The following TAF4 variants were observed in gnomAD, a reference collection of about 807,000 sequenced individuals.
TAF4 encodes the protein TATA-box binding protein associated factor 4.
A neutral mutation model predicts 90.3 loss-of-function variants in TAF4; 9 were observed. The ratio of observed to expected loss-of-function variants is 0.10; its 90% CI spans 0.06 to 0.17. The LOEUF (loss-of-function observed/expected upper bound fraction) is 0.17, where lower values mean the gene tolerates loss of function less well. Among genes scored for constraint, TAF4 ranks in the 10% least tolerant of loss-of-function variants. TAF4 has a pLI of 1.00. For synonymous variants in TAF4, 818 were observed against 638.9 expected (o/e 1.28, Z -4.23); for missense variants, 1,351 against 1,370.7 (o/e 0.99, Z 0.23).
intron 1 of TAF4, among the ~76,000 whole-genome samples, chr20:62,016,547 T>TA (rs1285378450): frequency 1.3e-5 from 2 of 152,202 alleles, no homozygotes; most frequent in Non-Finnish European, 2.9e-5. Flanking sequence ...CTCCTGGCCT[T>TA]ACACCAGTGG....
Position 62,065,660 on chromosome 20 carries a change from G to C in TAF4, c.151C>G (p.Arg51Gly). ...HHLAPRTPEV[R>G]AAAAGALGNH... ...CCGAGCGCGCCGGCGGCCGCGGCCCGCACCTCGGGCGTGCGCGGCGCGAGG... is the reference window on the plus strand; with the variant it reads ...CCGAGCGCGCCGGCGGCCGCGGCCCCCACCTCGGGCGTGCGCGGCGCGAGG... The change falls in exon 1 of 15, where the codon CGG becomes GGG. Residue 51 changes from arginine to glycine, a missense_variant. This residue lies in a region of TAF4 where 782 missense variants were observed against 536.6 expected (regional missense o/e 1.46). Transcript: ENST00000252996. The C allele has an allele frequency of 9.2e-7, 1 of 1,082,752 alleles. No homozygotes were observed. Among genetic ancestry groups the C allele is most frequent in the Non-Finnish European group, 1.1e-6 (1 of 893,802 alleles). 67.1% of individuals were successfully genotyped at this position (1,082,752 alleles called of 1,614,324 possible). A position where few individuals can be genotyped will look rare whatever the true frequency, so the allele number is the denominator to read the frequency against.
chr20:62,033,543 C>T (rs1375287937), intron 1 of TAF4, among the ~76,000 whole-genome samples: 1 of 152,148 alleles, frequency 6.6e-6, no homozygotes, highest in African/African-American at 2.4e-5. Context: ...TCAAGATCAG[C>T]CTGGCTAACA....
intron 8 of TAF4, 135 bp downstream of exon 8, chr20:62,003,596 G>A (rs1282957527): frequency 3.1e-6 from 3 of 973,606 alleles, no homozygotes. Context: ...TGAAATCAGT[G>A]CCACTGAACT....
chr20:61,987,162 TCTAA>T (rs1017461720), intron 14 of TAF4, among the ~76,000 whole-genome samples: 19 of 152,072 alleles, frequency 1.2e-4, no homozygotes, highest in Non-Finnish European at 2.1e-4. Context: ...CCCGCGGCAT[TCTAA>T]CTGAGATTCT....
chr20:62,001,028 G>A (rs2055697625), intron 9 of TAF4, among the ~76,000 whole-genome samples: 1 of 152,366 alleles, frequency 6.6e-6, no homozygotes, highest in East Asian at 1.9e-4. Flanking sequence ...GGACTTGTGG[G>A]GGTCTGATCT....
intron 1 of TAF4, among the ~76,000 whole-genome samples, chr20:62,053,261 C>T (rs189975772): frequency 6.6e-6 from 1 of 152,320 alleles, no homozygotes; most frequent in Admixed American, 6.5e-5. Context: ...GATGGTGGGG[C>T]GAAGGGAGAG....
At chr20:62,042,831 A>G (rs2055971722) in intron 1 of TAF4, among the ~76,000 whole-genome samples, 1 of 152,216 alleles carries the variant, frequency 6.6e-6, no homozygotes, top group Non-Finnish European at 1.5e-5. Flanking sequence ...TCCTTCAGGA[A>G]GAGTCCAGAA....
Position 62,065,445 on chromosome 20 carries a change from G to T in TAF4, c.366C>A (p.Pro122=). 3.1e-6 allele frequency: 3 copies of T among 976,664 alleles called. No homozygotes were observed. Among genetic ancestry groups the T allele is most frequent in the South Asian group, 4.6e-5 (1 of 21,886 alleles). The allele number at this position is 976,664 out of a possible 1,614,324, so 60.5% of individuals were successfully genotyped here. ...RPLVPAGPAP[P]AAKLRPPPEG... is the part of the protein sequence containing the mutation. ...CGGGCGGCGGCCTCAGCTTCGCGGC[G>T]GGCGGCGCGGGCCCTGCGGGGACAA... is the stretch of plus-strand genomic sequence containing the variant. Residue 122 remains proline (P), a synonymous_variant, in exon 1 of 15, where the codon CCC becomes CCA. Coordinates refer to ENST00000252996, the MANE Select transcript of TAF4 (RefSeq NM_003185.4).
chr20:62,012,963 G>T, intron 2 of TAF4, 29 bp from the exon 3 acceptor site: 1 of 1,610,474 alleles, frequency 6.2e-7, no homozygotes, highest in South Asian at 1.1e-5. Flanking sequence ...CACCTAAAAC[G>T]AGCGCAAGTA....
At chr20:61,976,877 C>A (rs1290299205) in intron 14 of TAF4, among the ~76,000 whole-genome samples, 1 of 152,206 alleles carries the variant, frequency 6.6e-6, no homozygotes, top group East Asian at 1.9e-4. Flanking sequence ...GCCCTGGCTG[C>A]ACAGACGCCG....
At chr20:62,011,693 C>T (rs758040412) in intron 3 of TAF4, among the ~76,000 whole-genome samples, 1 of 152,192 alleles carries the variant, frequency 6.6e-6, no homozygotes, top group African/African-American at 2.4e-5. Flanking sequence ...AGTCCACACC[C>T]CCTGGGGCTC....
intron 1 of TAF4, among the ~76,000 whole-genome samples, chr20:62,021,010 G>A (rs2055839930): frequency 6.6e-6 from 1 of 152,150 alleles, no homozygotes; most frequent in Admixed American, 6.5e-5. Flanking sequence ...CCTTCCCCGT[G>A]TTTCCAGGGG....
intron 1 of TAF4, among the ~76,000 whole-genome samples, chr20:62,016,463 C>T (rs992410596): frequency 2.0e-5 from 3 of 152,196 alleles, no homozygotes; most frequent in Non-Finnish European, 2.9e-5. Context: ...CTGAGTCCTC[C>T]GGCCTCCATC....
At chr20:62,016,772 G>A (rs1011087164) in intron 1 of TAF4, among the ~76,000 whole-genome samples, 5 of 152,072 alleles carry the variant, frequency 3.3e-5, no homozygotes, top group Non-Finnish European at 4.4e-5. Flanking sequence ...TTTAGAGTAC[G>A]CTAATACAAT....
intron 1 of TAF4, among the ~76,000 whole-genome samples, chr20:62,024,959 C>G (rs2055866694): frequency 6.6e-6 from 1 of 152,066 alleles, no homozygotes; most frequent in African/African-American, 2.4e-5. Context: ...GCCCCAACAT[C>G]ATTAGTCATT....
rs1441227493 is a variant in TAF4, at chr20:62,009,968, G to A, written c.1761+78C>T. 5.0e-6 allele frequency: 8 copies of A among 1,594,230 alleles called. No individual in the cohort carries two copies. In the East Asian group the frequency reaches 1.3e-4, roughly 27 times the overall value. On this transcript the variant is annotated intron_variant, in intron 4 of 14. Transcript: ENST00000252996. ...AGCGGTCTGGGACAGAAGCCGGCCT[G>A]AGGTCTCAAGGCTGCATTTTCTGAC...
chr20:61,981,662 G>A (rs2055541752), intron 14 of TAF4, among the ~76,000 whole-genome samples: 1 of 152,134 alleles, frequency 6.6e-6, no homozygotes, highest in Admixed American at 6.5e-5. Context: ...GGAGAAAACA[G>A]GGCAAATGAG....
intron 1 of TAF4, among the ~76,000 whole-genome samples, chr20:62,051,367 C>T (rs1302450781): frequency 6.6e-6 from 1 of 152,178 alleles, no homozygotes; most frequent in Non-Finnish European, 1.5e-5. Context: ...AGGGCGTCAC[C>T]GCCCGGCCTG....
intron 14 of TAF4, among the ~76,000 whole-genome samples, chr20:61,994,684 T>C (rs1186006864): frequency 6.6e-6 from 1 of 152,120 alleles, no homozygotes; most frequent in East Asian, 1.9e-4. Flanking sequence ...TTTCCAACAG[T>C]CCTGGTGGGG....
Sources: gnomAD v4.1 joint callset for allele counts (sites outside exome capture counted in the v4.1 genomes callset) on GRCh38, gnomAD v4.1.1 for gene constraint, gnomAD v4.1.1 regional missense constraint, MANE v1.5 for transcripts, NCBI Gene and HGNC (gene_info 2026-07-23, HGNC 2026-07-21) for gene names.